Variants in ANKMY1 observed in about 807,000 individuals in gnomAD.
The protein encoded by ANKMY1 is ankyrin repeat and MYND domain-containing protein 1.
ANKMY1 carries 98 observed loss-of-function variants against 102.0 expected under a neutral mutation model. The ratio of observed to expected loss-of-function variants is 0.96; its 90% CI spans 0.82 to 1.14. ANKMY1 has a LOEUF of 1.14. Ranked by LOEUF, ANKMY1 falls within the 50% of genes most tolerant of loss-of-function variation. The probability of loss-of-function intolerance (pLI) is 0.00; values close to 1 mark genes in which losing one functional copy is unlikely to be tolerated. For missense variants in ANKMY1, 1,330 were observed against 1,347.6 expected (o/e 0.99, Z 0.20); for synonymous variants, 582 against 559.9 (o/e 1.04, Z -0.56).
chr2:240,556,609 T>TCCACA (rs1384944856), intron 2 of ANKMY1, among the ~76,000 whole-genome samples: 2 of 152,234 alleles, frequency 1.3e-5, no homozygotes, highest in Non-Finnish European at 2.9e-5. Context: ...AGACCAGAAC[T>TCCACA]CTGAGCCCTT....
chr2:240,508,327 T>C (rs1023390268), intron 12 of ANKMY1, among the ~76,000 whole-genome samples: 2 of 152,252 alleles, frequency 1.3e-5, no homozygotes, highest in Non-Finnish European at 2.9e-5. Context: ...GGCCTAGCCC[T>C]GAGCAGGGGC....
At chr2:240,513,534 G>A (rs79076714) in intron 9 of ANKMY1, among the ~76,000 whole-genome samples, 9 of 152,328 alleles carry the variant, frequency 5.9e-5, no homozygotes, top group East Asian at 5.8e-4. Flanking sequence ...GACCAGCCTC[G>A]CTCCAACAGG....
intron 9 of ANKMY1, among the ~76,000 whole-genome samples, chr2:240,513,935 T>A (rs1485381253): frequency 6.6e-6 from 1 of 152,118 alleles, no homozygotes; most frequent in Non-Finnish European, 1.5e-5. Context: ...CAGGCAACAA[T>A]CTACTGACCC....
At chr2:240,514,413 A>C (rs1253398879) in intron 9 of ANKMY1, among the ~76,000 whole-genome samples, 1 of 152,144 alleles carries the variant, frequency 6.6e-6, no homozygotes, top group East Asian at 1.9e-4. Flanking sequence ...ATTAACCCTT[A>C]CACAGACACA....
chr2:240,524,266 G>A lies in ANKMY1; in HGVS notation c.1451C>T (p.Pro484Leu), dbSNP rs755684623. 1.9e-6 allele frequency: 3 copies of A among 1,613,804 alleles called. No individual in the cohort carries two copies. Among genetic ancestry groups the A allele is most frequent in the Non-Finnish European group, 2.5e-6 (3 of 1,180,026 alleles). Residue 484 changes from proline (P) to leucine (L), a missense_variant, in exon 8 of 18, where the codon CCA becomes CTA. By Grantham distance (98) the Pro-to-Leu change is moderately conservative. Transcript: ENST00000401804. ...VPSQGSYELRPPPAPLLLPRV... is the reference protein window; with the variant it reads ...VPSQGSYELRLPPAPLLLPRV... ...TGGCAGGAGCAGTGGTGCTGGCGGTGGCCTCAGCTCATAGCTACCCTGGGA... is the reference window on the plus strand; with the variant it reads ...TGGCAGGAGCAGTGGTGCTGGCGGTAGCCTCAGCTCATAGCTACCCTGGGA...
chr2:240,499,574 A>G lies in ANKMY1; in HGVS notation c.2806+384T>C, dbSNP rs533777191. 6.2e-4 allele frequency among the ~76,000 whole-genome samples: 94 copies of G among 151,970 alleles called. 1 individual carries two copies. The highest frequency in any genetic ancestry group is 2.0e-3 in the African/African-American group (84 of 41,406). On this transcript the variant is annotated intron_variant, in intron 15 of 17. Transcript: ENST00000401804. This position sits in a 1 kb window ranked among gnomAD's most constrained non-coding sequence, Gnocchi z 4.2. ...TAGGGGTGTGCAGGATGCACCCTGT[A>G]GGGAGGGGTGTGACCATGCAGGGGA...
At chr2:240,559,716 G>A (rs746491586), upstream of ANKMY1, among the ~76,000 whole-genome samples, 1 of 152,220 alleles carries the variant, frequency 6.6e-6, no homozygotes, top group Non-Finnish European at 1.5e-5. Flanking sequence ...CTGCAACCAG[G>A]GAAGACCTGG....
At chr2:240,500,272 G>T (rs999826967) in intron 14 of ANKMY1, 149 bp from the exon 15 acceptor site, 50 of 1,201,216 alleles carry the variant, frequency 4.2e-5, no homozygotes, top group Non-Finnish European at 5.6e-5. Flanking sequence ...AGCACATACA[G>T]CTGCACCTGG....
chr2:240,531,607 C>T (rs778606560), intron 4 of ANKMY1, among the ~76,000 whole-genome samples: 4 of 151,806 alleles, frequency 2.6e-5, no homozygotes, highest in South Asian at 2.1e-4. Flanking sequence ...AGAATCATGC[C>T]GTAAGCAAAA....
At position 240,524,098 on chromosome 2, in the gene ANKMY1, T is replaced by A. The variant is rs3796118; in HGVS notation, c.1619A>T (p.Asp540Val). The A allele has an allele frequency of 8.4e-4, 1,354 of 1,614,044 alleles. 26 individuals carry two copies. In the East Asian group the frequency reaches 0.027, roughly 33 times the overall value. The change falls in exon 8 of 18, where the codon GAC becomes GTC. Residue 540 changes from aspartate (D) to valine (V), a missense_variant. Coordinates refer to ENST00000401804, the MANE Select transcript of ANKMY1 (RefSeq NM_001282771.3). ...GCCCCGGTCTGTGTTTCCCAACACGTCCTCAAGCCCGCTTTCCACATGGCC... is the reference window on the plus strand; with the variant it reads ...GCCCCGGTCTGTGTTTCCCAACACGACCTCAAGCCCGCTTTCCACATGGCC... ...SLGHVESGLEDVLGNTDRGSL... is the reference protein window; with the variant it reads ...SLGHVESGLEVVLGNTDRGSL...
Position 240,529,176 on chromosome 2 carries a change from T to A in ANKMY1, c.814A>T (p.Thr272Ser), listed in dbSNP as rs1420220131. 6.2e-7 allele frequency: 1 copy of A among 1,614,140 alleles called. No homozygotes were observed. Among genetic ancestry groups the A allele is most frequent in the South Asian group, 1.1e-5 (1 of 91,084 alleles). Residue 272 changes from threonine (T) to serine (S), a missense_variant, in exon 5 of 18, where the codon ACA becomes TCA. Physicochemically the swap from Thr to Ser is moderately conservative, Grantham distance 58. Transcript: ENST00000401804. This position sits in a 1 kb window ranked among gnomAD's most constrained non-coding sequence, Gnocchi z 4.2. ...YSTNSDHLPM[T>S]SSFRKELDAR... ...TCCAGCTCTTTGCGGAAAGAGCTTG[T>A]CATGGGCAGGTGGTCACTGTTGGTC...
rs146141790 is a variant in ANKMY1 at position 240,535,189 on chromosome 2, A to C, written c.481-5680T>G. 3.2e-4 allele frequency among the ~76,000 whole-genome samples: 48 copies of C among 152,316 alleles called. 2 individuals are homozygous for C. The highest frequency in any genetic ancestry group is 1.1e-3 in the African/African-American group (46 of 41,574). On this transcript the variant is annotated intron_variant, in intron 4 of 17. Coordinates refer to ENST00000401804, the MANE Select transcript of ANKMY1 (RefSeq NM_001282771.3). ...GGTGGTTGGGGTACAGCTTGGTTTT[A>C]TATGTTTTAGGGAGGCATGAGACAT...
chr2:240,495,704 G>A (rs1559248156), intron 15 of ANKMY1, among the ~76,000 whole-genome samples: 1 of 152,132 alleles, frequency 6.6e-6, no homozygotes, highest in Admixed American at 6.5e-5. Context: ...CTTGGTGGTA[G>A]TTGTCCCCCG....
chr2:240,542,724 A>C (rs557899925), intron 4 of ANKMY1, among the ~76,000 whole-genome samples: 34 of 147,060 alleles, frequency 2.3e-4, no homozygotes, highest in African/African-American at 3.5e-4. Flanking sequence ...TTATATCTAT[A>C]TATATATATA....
Position 240,541,930 on chromosome 2 carries a change from C to T in ANKMY1, c.480+10984G>A, listed in dbSNP as rs551410009. ...TGGCCTTTAAAAATCAAACTGCTGG[C>T]CAGGCACAGTGGCTCACGCCTGTAA... On this transcript the variant is annotated intron_variant, in intron 4 of 17. Coordinates refer to ENST00000401804, the MANE Select transcript of ANKMY1 (RefSeq NM_001282771.3). 1.3e-4 allele frequency among the ~76,000 whole-genome samples: 20 copies of T among 152,172 alleles called. No homozygotes were observed. In the South Asian group the frequency reaches 4.2e-3, roughly 32 times the overall value.
At position 240,500,040 on chromosome 2, in the gene ANKMY1, C is replaced by A. The variant is rs867735178; in HGVS notation, c.2724G>T (p.Glu908Asp). The A allele has an allele frequency of 3.1e-6, 5 of 1,612,802 alleles. No individual in the cohort carries two copies. In the African/African-American group the frequency reaches 6.7e-5, roughly 22 times the overall value. Residue 908 changes from glutamate to aspartate, a missense_variant, in exon 15 of 18, where the codon GAG (glutamate) becomes GAT (aspartate). By Grantham distance (45) the Glu-to-Asp change is conservative. Coordinates refer to ENST00000401804, the MANE Select transcript of ANKMY1 (RefSeq NM_001282771.3). ...ETFLARKRLL[E>D]YMGLQLRQAV... ...CCTGCCGTAGCTGCAAGCCCATGTA[C>A]TCCAGGAGCCGCTTCCGCGCCAGGA...
At chr2:240,539,179 C>A (rs2087866626) in intron 4 of ANKMY1, among the ~76,000 whole-genome samples, 1 of 152,238 alleles carries the variant, frequency 6.6e-6, no homozygotes, top group Non-Finnish European at 1.5e-5. Flanking sequence ...CTTTCTGCTG[C>A]TCACTCTTTG....
intron 13 of ANKMY1, among the ~76,000 whole-genome samples, chr2:240,504,247 C>G (rs2078691869): frequency 6.6e-6 from 1 of 152,234 alleles, no homozygotes; most frequent in Admixed American, 6.5e-5. Context: ...TGTATACCCC[C>G]AAGCCAGGGC....
downstream of ANKMY1, among the ~76,000 whole-genome samples, chr2:240,479,192 G>C (rs1030240083): frequency 6.6e-6 from 1 of 152,194 alleles, no homozygotes; most frequent in African/African-American, 2.4e-5. Flanking sequence ...GGAGCCTGCT[G>C]CCGCGGGCTC....
Sources: gnomAD v4.1 joint callset for allele counts (sites outside exome capture counted in the v4.1 genomes callset) on GRCh38, gnomAD v4.1.1 for gene constraint, Gnocchi (gnomAD v3.1) non-coding constraint, MANE v1.5 for transcripts, NCBI Gene and HGNC (gene_info 2026-07-23, HGNC 2026-07-21) for gene names.